Variants in FAM13A observed in about 807,000 individuals in gnomAD.
The protein encoded by FAM13A is protein FAM13A.
In FAM13A, 76 loss-of-function variants were observed where a neutral mutation model predicts 129.6. The observed-to-expected ratio is 0.59, with a 90% CI of 0.49 to 0.71. FAM13A has a LOEUF of 0.71. FAM13A is among the 30% of genes least tolerant of loss of function. FAM13A has a pLI of 0.00. For missense variants in FAM13A, 1,108 were observed against 1,249.3 expected (o/e 0.89, Z 1.70); for synonymous variants, 443 against 449.9 (o/e 0.98, Z 0.20).
chr4:88,862,301 G>A (rs569883816), intron 6 of FAM13A, among the ~76,000 whole-genome samples: 2 of 152,284 alleles, frequency 1.3e-5, no homozygotes, highest in East Asian at 1.9e-4. Flanking sequence ...TAATTCTGAC[G>A]TAGGCAGAGA....
intron 5 of FAM13A, among the ~76,000 whole-genome samples, chr4:88,932,069 A>T (rs773260642): frequency 6.6e-6 from 1 of 152,250 alleles, no homozygotes; most frequent in Non-Finnish European, 1.5e-5. Flanking sequence ...ACAGAGTTCA[A>T]CTACTTTCCT....
chr4:88,851,138 GT>G lies in FAM13A; in HGVS notation c.888del (p.Leu297CysfsTer16). On this transcript the variant is annotated frameshift_variant, in exon 7 of 24. Coordinates refer to ENST00000264344, the MANE Select transcript of FAM13A (RefSeq NM_014883.4). LOFTEE classifies it high-confidence loss of function. ...RSEGSIQAHRVLQPELSDGIP... is the reference protein window; with the variant it reads ...RSEGSIQAHRXLQPELSDGIP... ...ATGCCATCAGATAGCTCTGGTTGCAGTACTCTGTGGGCCTGAATAGATCCCT... is the reference window on the plus strand; with the variant it reads ...ATGCCATCAGATAGCTCTGGTTGCAGACTCTGTGGGCCTGAATAGATCCCT... 6.2e-7 allele frequency: 1 copy of G among 1,613,044 alleles called. No homozygotes were observed. The highest frequency in any genetic ancestry group is 1.1e-5 in the South Asian group (1 of 91,012).
intron 6 of FAM13A, among the ~76,000 whole-genome samples, chr4:88,890,831 C>A (rs542518744): frequency 9.9e-4 from 150 of 152,170 alleles, no homozygotes; most frequent in Middle Eastern, 3.4e-3. Context: ...GTAACTACAG[C>A]TAGAATATTT....
At position 88,787,794 on chromosome 4, in the gene FAM13A, G is replaced by A; in HGVS notation, c.1230C>T (p.Arg410=). Residue 410 remains arginine, a synonymous_variant, in exon 10 of 24, where the codon CGC becomes CGT. Coordinates refer to ENST00000264344, the MANE Select transcript of FAM13A (RefSeq NM_014883.4). ...SSATSARQRR[R]QSKEQDEVRH... ...GAACTTCATCCTGCTCCTTGGACTGGCGGCGGCGCTGTCTGGCAGATGTGG... is the reference window on the plus strand; with the variant it reads ...GAACTTCATCCTGCTCCTTGGACTGACGGCGGCGCTGTCTGGCAGATGTGG... 1 of 1,613,610 alleles carries A rather than the reference G, an allele frequency of 6.2e-7. No homozygotes were observed. Among genetic ancestry groups the A allele is most frequent in the Non-Finnish European group, 8.5e-7 (1 of 1,179,694 alleles).
chr4:89,003,547 G>A (rs1229070738), intron 3 of FAM13A, among the ~76,000 whole-genome samples: 1 of 152,006 alleles, frequency 6.6e-6, no homozygotes, highest in East Asian at 1.9e-4. Context: ...TGTGCGGGAG[G>A]TGGAGGTTGC....
chr4:88,842,110 A>G (rs967266180), intron 7 of FAM13A, among the ~76,000 whole-genome samples: 8 of 152,230 alleles, frequency 5.3e-5, no homozygotes, highest in African/African-American at 1.7e-4. Flanking sequence ...ATGCTACAAC[A>G]TGGATGAGCC....
intron 4 of FAM13A, among the ~76,000 whole-genome samples, chr4:88,979,787 A>G (rs1761420665): frequency 6.6e-6 from 1 of 152,160 alleles, no homozygotes; most frequent in Non-Finnish European, 1.5e-5. Context: ...CCTGACCAAC[A>G]TGGTGAAACC....
chr4:88,818,778 G>A (rs1043171891), intron 7 of FAM13A, among the ~76,000 whole-genome samples: 2 of 152,172 alleles, frequency 1.3e-5, no homozygotes, highest in Non-Finnish European at 2.9e-5. Flanking sequence ...TGCTACCAGA[G>A]TGCCAACAAG....
chr4:88,903,585 C>T (rs895372511), intron 6 of FAM13A, among the ~76,000 whole-genome samples: 9 of 152,136 alleles, frequency 5.9e-5, no homozygotes, highest in Admixed American at 5.9e-4. Flanking sequence ...GGACCCCTTC[C>T]TTACACCTTA....
rs548949307 is a variant in FAM13A, at chr4:88,919,661, G to A, written c.760-13199C>T. Among the ~76,000 whole-genome samples, 663 of 152,294 alleles carry A rather than the reference G, an allele frequency of 4.4e-3. 4 individuals are homozygous for A. The highest frequency in any genetic ancestry group is 0.015 in the African/African-American group (627 of 41,550). ...TTTCTGCATTTCCATCTGAGGTACC[G>A]GGTTCATCTCACTAGGGAGTGCCAG... On this transcript the variant is annotated intron_variant, in intron 5 of 23. Coordinates refer to ENST00000264344, the MANE Select transcript of FAM13A (RefSeq NM_014883.4).
chr4:88,825,227 T>TC lies in FAM13A; in HGVS notation c.1008-20176_1008-20175insG, dbSNP rs1553996182. On this transcript the variant is annotated intron_variant, in intron 7 of 23. Coordinates refer to ENST00000264344, the MANE Select transcript of FAM13A (RefSeq NM_014883.4). ...TCTATTCTGTGTGAATTTTTTTTTT[T>TC]GGGGGGGGGATGGAATCTTGCTCTG... Among the ~76,000 whole-genome samples, 4 of 149,572 alleles carry TC rather than the reference T, an allele frequency of 2.7e-5. No individual in the cohort carries two copies. In the East Asian group the frequency reaches 7.9e-4, roughly 30 times the overall value.
intron 1 of FAM13A, among the ~76,000 whole-genome samples, chr4:89,053,624 C>T (rs561897580): frequency 6.6e-6 from 1 of 152,158 alleles, no homozygotes; most frequent in South Asian, 2.1e-4. Flanking sequence ...GCTACGAGGC[C>T]TGGGGCATTC....
At chr4:88,878,922 T>TA (rs1743060597) in intron 6 of FAM13A, among the ~76,000 whole-genome samples, 1 of 152,228 alleles carries the variant, frequency 6.6e-6, no homozygotes, top group Non-Finnish European at 1.5e-5. Context: ...GGTAAGGTGT[T>TA]AGATTCCTAG....
chr4:89,037,016 A>G (rs11943973), intron 1 of FAM13A, among the ~76,000 whole-genome samples: 73,176 of 152,108 alleles, frequency 0.48, 18,038 homozygotes, highest in Middle Eastern at 0.57. Flanking sequence ...GAGAACCTCT[A>G]CTAGGGCAAT....
intron 6 of FAM13A, among the ~76,000 whole-genome samples, chr4:88,876,212 G>T (rs1742439293): frequency 2.6e-5 from 4 of 152,028 alleles, no homozygotes; most frequent in African/African-American, 9.7e-5. Flanking sequence ...AATGGGTGCA[G>T]CACACAAACA....
intron 14 of FAM13A, among the ~76,000 whole-genome samples, chr4:88,752,702 A>G (rs1742873021): frequency 6.6e-6 from 1 of 152,232 alleles, no homozygotes; most frequent in Non-Finnish European, 1.5e-5. Flanking sequence ...AAACGCCAAC[A>G]TAAAAGAATA....
intron 6 of FAM13A, among the ~76,000 whole-genome samples, chr4:88,876,981 T>C (rs1022074700): frequency 1.3e-5 from 2 of 152,184 alleles, no homozygotes; most frequent in Non-Finnish European, 1.5e-5. Context: ...GAGATTATGA[T>C]TGAGAACTAA....
intron 7 of FAM13A, among the ~76,000 whole-genome samples, chr4:88,819,955 A>G (rs1306709311): frequency 3.3e-5 from 5 of 152,192 alleles, no homozygotes; most frequent in Admixed American, 3.3e-4. Context: ...AGCCTCTGCC[A>G]TGTTTTTTCT....
chr4:88,898,391 A>C (rs1160551993), intron 6 of FAM13A, among the ~76,000 whole-genome samples: 1 of 152,184 alleles, frequency 6.6e-6, no homozygotes, highest in African/African-American at 2.4e-5. Flanking sequence ...AAGTTTGGAC[A>C]TGCAAATATT....
Sources: gnomAD v4.1 joint callset for allele counts (sites outside exome capture counted in the v4.1 genomes callset) on GRCh38, gnomAD v4.1.1 for gene constraint, MANE v1.5 for transcripts, NCBI Gene and HGNC (gene_info 2026-07-23, HGNC 2026-07-21) for gene names.